ACAD11: variants seen among roughly 807,000 people sequenced by gnomAD.
The protein encoded by ACAD11 is acyl-Coenzyme A dehydrogenase family, member 11.
A neutral mutation model predicts 102.2 loss-of-function variants in ACAD11; 83 were observed. The observed-to-expected ratio is 0.81, with a 90% CI of 0.68 to 0.97. ACAD11 has a LOEUF of 0.97. Among genes scored for constraint, ACAD11 ranks in the 50% least tolerant of loss-of-function variants. The probability of loss-of-function intolerance (pLI) is 0.00; values close to 1 mark genes in which losing one functional copy is unlikely to be tolerated. For synonymous variants in ACAD11, 324 were observed against 319.8 expected, an observed-to-expected ratio of 1.01 and a Z score of -0.14; for missense variants, 901 against 951.7, an observed-to-expected ratio of 0.95 and a Z score of 0.70.
intron 13 of ACAD11, among the ~76,000 whole-genome samples, chr3:132,583,144 C>G (rs1937639235): frequency 6.6e-6 from 1 of 152,102 alleles, no homozygotes; most frequent in South Asian, 2.1e-4. Flanking sequence ...CCTCCTTGTA[C>G]CTCTGGTAGA....
rs113432169 is a variant in ACAD11, at chr3:132,577,806, T to C, written c.1775-791A>G. 6.8e-4 allele frequency among the ~76,000 whole-genome samples: 104 copies of C among 152,310 alleles called. 1 individual carries two copies. Among genetic ancestry groups the C allele is most frequent in the African/African-American group, 1.9e-3 (81 of 41,568 alleles). On this transcript the variant is annotated intron_variant, in intron 15 of 19. Coordinates refer to ENST00000264990, the MANE Select transcript of ACAD11 (RefSeq NM_032169.5). ...AAAGTTTTCATACTGAATAATCAAA[T>C]GTAGCCTCTGCAATGGAAATTATTT...
At chr3:132,617,685 C>T (rs960216401) in intron 11 of ACAD11, among the ~76,000 whole-genome samples, 1 of 152,204 alleles carries the variant, frequency 6.6e-6, no homozygotes, top group Non-Finnish European at 1.5e-5. Context: ...GAAGTTACAA[C>T]TTATCACTAA....
intron 13 of ACAD11, among the ~76,000 whole-genome samples, chr3:132,588,196 T>G (rs1018679670): frequency 7.0e-6 from 1 of 142,692 alleles, no homozygotes; most frequent in Non-Finnish European, 1.6e-5. Context: ...CAGGCAGGTA[T>G]GTATGTATGT....
Position 132,561,128 on chromosome 3 carries a change from A to G in ACAD11, c.2091T>C (p.Thr697=). The G allele has an allele frequency of 6.2e-7, 1 of 1,613,396 alleles. No homozygotes were observed. ...LTLKAAHSMD[T]LGSAGAKKEI... ...CTTTCTTAGCGCCAGCACTGCCCAGAGTGTCCATGCTGTGAGCAGCTTTCA... is the reference window on the plus strand; with the variant it reads ...CTTTCTTAGCGCCAGCACTGCCCAGGGTGTCCATGCTGTGAGCAGCTTTCA... The change falls in exon 18 of 20, where the codon ACT becomes ACC. Residue 697 remains threonine (T), a synonymous_variant. Transcript: ENST00000264990.
intron 5 of ACAD11, among the ~76,000 whole-genome samples, chr3:132,634,892 C>T (rs1215526106): frequency 1.3e-5 from 1 of 78,954 alleles, no homozygotes; most frequent in Non-Finnish European, 2.3e-5. Context: ...ACATCACACA[C>T]TGGGGCCTGT....
chr3:132,615,494 C>T (rs1939368809), intron 11 of ACAD11, among the ~76,000 whole-genome samples: 1 of 152,058 alleles, frequency 6.6e-6, no homozygotes, highest in Non-Finnish European at 1.5e-5. Context: ...ACTATGCAGC[C>T]ATAAAAAAGG....
chr3:132,596,616 G>A (rs560049902), intron 13 of ACAD11, among the ~76,000 whole-genome samples: 2 of 152,124 alleles, frequency 1.3e-5, no homozygotes, highest in African/African-American at 4.8e-5. Flanking sequence ...TTACTTGTGT[G>A]GAAATGTGGA....
chr3:132,648,656 G>C (rs1039712188), intron 1 of ACAD11: 1 of 152,108 alleles, frequency 6.6e-6, no homozygotes, highest in Non-Finnish European at 1.5e-5. Flanking sequence ...AGGATTTGCT[G>C]CTTTTTAATT....
At chr3:132,603,520 T>C (rs1044009890) in intron 12 of ACAD11, among the ~76,000 whole-genome samples, 193 bp from the exon 13 acceptor site, 35 of 152,348 alleles carry the variant, frequency 2.3e-4, no homozygotes, top group African/African-American at 8.2e-4. Flanking sequence ...AGTGAATGAA[T>C]GAAGTATACT....
intron 11 of ACAD11, among the ~76,000 whole-genome samples, chr3:132,616,206 G>A (rs1939402529): frequency 6.6e-6 from 1 of 152,094 alleles, no homozygotes; most frequent in South Asian, 2.1e-4. Context: ...TCATTTCTTA[G>A]AGCAAATCTC....
At chr3:132,584,270 T>C (rs1022513512) in intron 13 of ACAD11, among the ~76,000 whole-genome samples, 2 of 152,210 alleles carry the variant, frequency 1.3e-5, no homozygotes, top group Admixed American at 1.3e-4. Context: ...ATATTTAGGA[T>C]AGTTAGTTCT....
chr3:132,606,172 T>C (rs1938827938), intron 11 of ACAD11, among the ~76,000 whole-genome samples: 1 of 152,248 alleles, frequency 6.6e-6, no homozygotes. Context: ...TTACAATGAC[T>C]TTAAGGTTAG....
chr3:132,654,537 A>C (rs1029858138), intron 1 of ACAD11: 1 of 152,230 alleles, frequency 6.6e-6, no homozygotes, highest in African/African-American at 2.4e-5. Context: ...ATGGCCATGG[A>C]GATGTCTGTG....
intron 1 of ACAD11, among the ~76,000 whole-genome samples, chr3:132,648,020 C>T (rs1237108081): frequency 6.6e-6 from 1 of 152,094 alleles, no homozygotes; most frequent in Non-Finnish European, 1.5e-5. Flanking sequence ...CAAAGACCCC[C>T]CACCTCTTAA....
Position 132,630,505 on chromosome 3 carries a change from T to C in ACAD11, c.895A>G (p.Asn299Asp). 1 of 1,612,890 alleles carries C rather than the reference T, an allele frequency of 6.2e-7. No homozygotes were observed. ...AAATTCCAGTTAGGAAGAATAGAAT[T>C]AATTCCCCTGCAGCGGCAATATATT... ...ISIYCRCRGI[N>D]SILPNWNFFL... The change falls in exon 7 of 20, where the codon AAT becomes GAT. Residue 299 changes from asparagine to aspartate, a missense_variant. Physicochemically the swap from Asn to Asp is conservative, Grantham distance 23. Transcript: ENST00000264990.
intron 9 of ACAD11, among the ~76,000 whole-genome samples, chr3:132,623,393 A>G (rs1248045234): frequency 6.6e-6 from 1 of 152,116 alleles, no homozygotes; most frequent in Non-Finnish European, 1.5e-5. Flanking sequence ...TGAAAAAGCT[A>G]TTTACTTTTC....
At chr3:132,604,865 T>C (rs1368424390) in intron 12 of ACAD11, among the ~76,000 whole-genome samples, 1 of 152,212 alleles carries the variant, frequency 6.6e-6, no homozygotes, top group Non-Finnish European at 1.5e-5. Flanking sequence ...ACTAATGCTA[T>C]AGCAGGCTAC....
intron 13 of ACAD11, among the ~76,000 whole-genome samples, chr3:132,591,965 A>C (rs558624281): frequency 7.9e-4 from 120 of 152,264 alleles, no homozygotes; most frequent in Non-Finnish European, 1.4e-3. Flanking sequence ...TACCAGGTAA[A>C]TTTTGAAGAA....
At chr3:132,608,220 C>T (rs1265012473) in intron 11 of ACAD11, among the ~76,000 whole-genome samples, 2 of 152,124 alleles carry the variant, frequency 1.3e-5, no homozygotes, top group Non-Finnish European at 2.9e-5. Context: ...CATCAACTAA[C>T]AGGCAAAATA....
Sources: gnomAD v4.1 joint callset for allele counts (sites outside exome capture counted in the v4.1 genomes callset) on GRCh38, gnomAD v4.1.1 for gene constraint, MANE v1.5 for transcripts, NCBI Gene and HGNC (gene_info 2026-07-23, HGNC 2026-07-21) for gene names.